LAMC1: variants seen among roughly 807,000 people sequenced by gnomAD.
The protein encoded by LAMC1 is laminin subunit gamma 1.
A neutral mutation model predicts 173.6 loss-of-function variants in LAMC1; 38 were observed. The observed-to-expected ratio is 0.22, with a 90% confidence interval of 0.17 to 0.29. LAMC1 has a LOEUF of 0.29. Ranked by LOEUF, LAMC1 falls within the 10% of genes least tolerant of loss-of-function variation. The probability of loss-of-function intolerance (pLI) is 1.00; values close to 1 mark genes in which losing one functional copy is unlikely to be tolerated. For missense variants in LAMC1, 1,824 were observed against 2,051.8 expected (o/e 0.89, Z 2.14); for synonymous variants, 746 against 749.1 (o/e 1.00, Z 0.07).
intron 26 of LAMC1, 23 bp downstream of exon 26, chr1:183,137,850 C>T (rs1656991138): frequency 1.3e-6 from 2 of 1,575,566 alleles, no homozygotes; most frequent in Non-Finnish European, 1.7e-6. Context: ...GGTATATTTG[C>T]TCATTGGCAG....
At chr1:183,047,712 G>A (rs550748856) in intron 1 of LAMC1, among the ~76,000 whole-genome samples, 1 of 152,152 alleles carries the variant, frequency 6.6e-6, no homozygotes, top group East Asian at 1.9e-4. Context: ...TGGACAGGAG[G>A]GGATTGTGGG....
chr1:183,027,628 A>C (rs1055917992), intron 1 of LAMC1, among the ~76,000 whole-genome samples: 2 of 152,224 alleles, frequency 1.3e-5, no homozygotes, highest in African/African-American at 4.8e-5. Context: ...TTAACACTGA[A>C]ACCAGATTAG....
chr1:183,048,423 T>A (rs900219037), intron 1 of LAMC1, among the ~76,000 whole-genome samples: 1 of 152,232 alleles, frequency 6.6e-6, no homozygotes, highest in Non-Finnish European at 1.5e-5. Context: ...TATTGCAGTG[T>A]CCACCTATAG....
At chr1:183,081,569 T>C (rs917162293) in intron 1 of LAMC1, among the ~76,000 whole-genome samples, 15 of 144,832 alleles carry the variant, frequency 1.0e-4, no homozygotes, top group South Asian at 2.2e-4. Flanking sequence ...AATAAATAAA[T>C]AAATAAATAA....
chr1:183,121,244 C>A (rs774352560), intron 11 of LAMC1, among the ~76,000 whole-genome samples: 1 of 141,980 alleles, frequency 7.0e-6, no homozygotes, highest in South Asian at 2.5e-4. Context: ...CATGGTGAAA[C>A]CCTGTCTCTT....
intron 11 of LAMC1, 47 bp from the exon 12 acceptor site, chr1:183,121,676 T>G (rs1225709952): frequency 6.6e-7 from 1 of 1,522,558 alleles, no homozygotes; most frequent in Non-Finnish European, 8.9e-7. Flanking sequence ...ACACAAGGTT[T>G]GGAAAACAAG....
At chr1:183,065,705 A>T (rs1208829373) in intron 1 of LAMC1, among the ~76,000 whole-genome samples, 2 of 152,364 alleles carry the variant, frequency 1.3e-5, no homozygotes, top group African/African-American at 4.8e-5. Flanking sequence ...ATAATTTTTG[A>T]AACATTAATA....
intron 1 of LAMC1, among the ~76,000 whole-genome samples, chr1:183,099,916 C>T (rs1655790171): frequency 6.6e-6 from 1 of 152,190 alleles, no homozygotes; most frequent in Non-Finnish European, 1.5e-5. Context: ...CCTGCGCCTG[C>T]CTCCAGTCCT....
chr1:183,028,377 T>A (rs191061348), intron 1 of LAMC1, among the ~76,000 whole-genome samples: 60 of 152,314 alleles, frequency 3.9e-4, no homozygotes, highest in African/African-American at 1.3e-3. Context: ...TGTAGAAGAT[T>A]GAGGGTCCTA....
At chr1:183,126,414 T>G (rs1007835340) in intron 16 of LAMC1, 152 bp downstream of exon 16, 2 of 721,320 alleles carry the variant, frequency 2.8e-6, no homozygotes, top group Non-Finnish European at 4.5e-6. Context: ...TTGAAGAATA[T>G]TATCCATTTC....
rs1379073999 is a variant in LAMC1 at position 183,121,743 on chromosome 1, G to A, written c.2011G>A (p.Val671Ile). 1.9e-6 allele frequency: 3 copies of A among 1,613,886 alleles called. No homozygotes were observed. The highest frequency in any genetic ancestry group is 1.3e-5 in the African/African-American group (1 of 74,914). Reference protein sequence around the residue: ...SERSAGYLDDVTLASARPGPG... With the variant: ...SERSAGYLDDITLASARPGPG... ...CACAGGTGCTGGATATTTGGATGAT[G>A]TCACCCTGGCAAGTGCTCGTCCTGG... Residue 671 changes from valine to isoleucine, a missense_variant, in exon 12 of 28, where the codon GTC becomes ATC. By Grantham distance (29) the Val-to-Ile change is conservative. Coordinates refer to ENST00000258341, the MANE Select transcript of LAMC1 (RefSeq NM_002293.4).
At chr1:183,073,726 T>C (rs1479882370) in intron 1 of LAMC1, among the ~76,000 whole-genome samples, 1 of 152,144 alleles carries the variant, frequency 6.6e-6, no homozygotes, top group Non-Finnish European at 1.5e-5. Flanking sequence ...TAAAATACAG[T>C]GTCCAGCACA....
chr1:183,122,857 T>G (rs4652777), intron 13 of LAMC1, among the ~76,000 whole-genome samples: 78,650 of 151,846 alleles, frequency 0.52, 21,061 homozygotes, highest in South Asian at 0.65. Context: ...CAGCTCCTGG[T>G]AGGCCTTCTC....
intron 1 of LAMC1, among the ~76,000 whole-genome samples, chr1:183,059,781 G>A (rs1040314085): frequency 4.6e-5 from 7 of 152,328 alleles, no homozygotes; most frequent in Admixed American, 6.5e-5. Flanking sequence ...TGGCATATTC[G>A]TAGGAAACCA....
intron 1 of LAMC1, among the ~76,000 whole-genome samples, chr1:183,046,376 G>A (rs545560818): frequency 6.6e-6 from 1 of 152,124 alleles, no homozygotes; most frequent in South Asian, 2.1e-4. Context: ...TAAGCTGTTT[G>A]CATCTCGATT....
chr1:183,054,303 A>G (rs1654524407), intron 1 of LAMC1, among the ~76,000 whole-genome samples: 1 of 152,208 alleles, frequency 6.6e-6, no homozygotes, highest in Non-Finnish European at 1.5e-5. Flanking sequence ...AAGCCGAGGC[A>G]TAGAAGCCAC....
At chr1:183,055,047 G>A (rs1479015168) in intron 1 of LAMC1, among the ~76,000 whole-genome samples, 1 of 148,714 alleles carries the variant, frequency 6.7e-6, no homozygotes, top group African/African-American at 2.5e-5. Context: ...GGAGTGCAGT[G>A]ACGCAATCTC....
At chr1:183,091,783 A>T (rs1655573168) in intron 1 of LAMC1, among the ~76,000 whole-genome samples, 1 of 152,116 alleles carries the variant, frequency 6.6e-6, no homozygotes, top group South Asian at 2.1e-4. Flanking sequence ...TTGCTTTCAG[A>T]TGTGTCCCTT....
At chr1:183,081,164 A>G (rs1176269961) in intron 1 of LAMC1, among the ~76,000 whole-genome samples, 2 of 152,194 alleles carry the variant, frequency 1.3e-5, no homozygotes, top group Non-Finnish European at 2.9e-5. Context: ...CTGGGATTAT[A>G]GGCGTCAGCC....
Sources: allele counts gnomAD v4.1 joint callset (sites outside exome capture counted in the v4.1 genomes callset), GRCh38; gene constraint gnomAD v4.1.1; transcripts MANE v1.5; gene names NCBI Gene and HGNC (gene_info 2026-07-23, HGNC 2026-07-21).